PKIA: variants seen among roughly 807,000 people sequenced by gnomAD.
PKIA encodes the protein cAMP-dependent protein kinase inhibitor alpha, also known as PKI-alpha.
Under a neutral mutation model 7.6 loss-of-function variants are expected in PKIA, and 4 were observed. That is an observed-to-expected ratio of 0.52 (90% CI 0.26 to 1.20). The LOEUF (loss-of-function observed/expected upper bound fraction) is 1.20, where lower values mean the gene tolerates loss of function less well. PKIA is among the 50% of genes most tolerant of loss of function. The pLI is 0.13. For synonymous variants in PKIA, 21 were observed against 30.7 expected, an observed-to-expected ratio of 0.68 and a Z score of 1.04; for missense variants, 73 against 86.2, an observed-to-expected ratio of 0.85 and a Z score of 0.61.
chr8:78,566,922 C>A (rs999165078), intron 1 of PKIA, among the ~76,000 whole-genome samples: 1 of 151,972 alleles, frequency 6.6e-6, no homozygotes, highest in African/African-American at 2.4e-5. Context: ...AAACATGTTA[C>A]CAGGAATTAT....
At chr8:78,557,510 C>T (rs949401801) in intron 1 of PKIA, among the ~76,000 whole-genome samples, 7 of 151,986 alleles carry the variant, frequency 4.6e-5, no homozygotes, top group Non-Finnish European at 1.5e-5. Flanking sequence ...TCAATTACTT[C>T]AGCATTGTGG....
intron 1 of PKIA, among the ~76,000 whole-genome samples, chr8:78,562,036 A>T (rs1409034143): frequency 1.3e-5 from 2 of 152,196 alleles, no homozygotes; most frequent in African/African-American, 4.8e-5. Context: ...CTCCCACTGA[A>T]AGGGAGAATA....
At chr8:78,595,232 G>C (rs964761431) in intron 2 of PKIA, among the ~76,000 whole-genome samples, 4 of 152,162 alleles carry the variant, frequency 2.6e-5, no homozygotes, top group Admixed American at 2.0e-4. Flanking sequence ...ACTACATAAA[G>C]TAGTGGGTAA....
At chr8:78,554,271 A>G (rs1245028690) in intron 1 of PKIA, among the ~76,000 whole-genome samples, 7 of 151,998 alleles carry the variant, frequency 4.6e-5, no homozygotes, top group African/African-American at 1.7e-4. Flanking sequence ...TCACTATGCA[A>G]CCTAGCATGT....
chr8:78,519,938 C>T (rs2118310163), intron 1 of PKIA, among the ~76,000 whole-genome samples: 1 of 152,290 alleles, frequency 6.6e-6, no homozygotes, highest in African/African-American at 2.4e-5. Context: ...CCTTCCCCAA[C>T]CAGATGTGCC....
rs79368241 is a variant in PKIA at position 78,533,502 on chromosome 8, G to A, written c.-157+17034G>A. ...TGGCAATAGAATGTTAAACAGAATG[G>A]TATACAATCTACATTCTAATTTTCA... On this transcript the variant is annotated intron_variant, in intron 1 of 3. Coordinates refer to ENST00000396418, the MANE Select transcript of PKIA (RefSeq NM_006823.4). Among the ~76,000 whole-genome samples the A allele has an allele frequency of 4.3e-4, 65 of 152,134 alleles. 2 individuals are homozygous for A. The East Asian group carries it at 0.013, about 29-fold the overall frequency.
Position 78,594,492 on chromosome 8 carries a change from CACTT to C in PKIA, c.-27-3862_-27-3859del, listed in dbSNP as rs566994322. 2.8e-4 allele frequency among the ~76,000 whole-genome samples: 42 copies of C among 152,176 alleles called. No homozygotes were observed. The South Asian group carries it at 7.9e-3, about 29-fold the overall frequency. ...GCCTTTGAGAAAGGCAAAATGGTAA[CACTT>C]ACTGCAGCATTTTGGATAGGTTGGG... On this transcript the variant is annotated intron_variant, in intron 2 of 3. Transcript: ENST00000396418.
chr8:78,596,344 A>T (rs553220907), intron 2 of PKIA, among the ~76,000 whole-genome samples: 2 of 151,894 alleles, frequency 1.3e-5, no homozygotes, highest in South Asian at 4.2e-4. Context: ...GGTTCAAGTG[A>T]TTCTCCTGTT....
At chr8:78,518,896 T>C (rs1809363890) in intron 1 of PKIA, among the ~76,000 whole-genome samples, 1 of 152,194 alleles carries the variant, frequency 6.6e-6, no homozygotes. Flanking sequence ...TTGGACTTTG[T>C]TGTGTTTAAA....
chr8:78,568,440 AC>A (rs1490237733), intron 1 of PKIA, among the ~76,000 whole-genome samples: 2 of 152,108 alleles, frequency 1.3e-5, no homozygotes, highest in Non-Finnish European at 2.9e-5. Flanking sequence ...GCACTTTTTA[AC>A]ATTAATAGAC....
intron 1 of PKIA, among the ~76,000 whole-genome samples, chr8:78,517,101 T>C (rs1164732004): frequency 1.3e-5 from 2 of 152,220 alleles, no homozygotes; most frequent in Non-Finnish European, 2.9e-5. Flanking sequence ...TCGGAGATGC[T>C]GTGCCCATTC....
intron 2 of PKIA, among the ~76,000 whole-genome samples, chr8:78,578,527 G>A (rs747496490): frequency 2.1e-5 from 2 of 95,250 alleles, no homozygotes; most frequent in African/African-American, 4.2e-5. Flanking sequence ...ATCACTTGTA[G>A]TAGAAAAAAA....
At position 78,603,083 on chromosome 8, in the gene PKIA, A is replaced by C. The variant is rs1321637032; in HGVS notation, c.*1262A>C. ...TTAGAAGCTAACAAAATTCTCATTA[A>C]TACTGTGTTTGATGGCCTCTGCTGT... On this transcript the variant is annotated 3_prime_UTR_variant, in exon 4 of 4. Transcript: ENST00000396418. The C allele has an allele frequency of 1.3e-5, 2 of 152,446 alleles. No homozygotes were observed. The highest frequency in any genetic ancestry group is 1.9e-4 in the East Asian group (1 of 5,174). 9.4% of individuals were successfully genotyped at this position (152,446 alleles called of 1,614,324 possible).
At chr8:78,524,405 G>A (rs559788113) in intron 1 of PKIA, among the ~76,000 whole-genome samples, 3 of 151,366 alleles carry the variant, frequency 2.0e-5, no homozygotes, top group Non-Finnish European at 4.4e-5. Context: ...AGTCTCTCAC[G>A]TGGCTCTCAA....
rs529392737 is a variant in PKIA at position 78,541,743 on chromosome 8, A to C, written c.-157+25275A>C. Among the ~76,000 whole-genome samples the C allele has an allele frequency of 2.0e-5, 3 of 152,076 alleles. No homozygotes were observed. In the East Asian group the frequency reaches 5.8e-4, roughly 29 times the overall value. On this transcript the variant is annotated intron_variant, in intron 1 of 3. Coordinates refer to ENST00000396418, the MANE Select transcript of PKIA (RefSeq NM_006823.4). ...TTGTTTTTATGTCCATGCTCCTAAC[A>C]AAACAGCCCTCTTTGTTCTTCACAT...
intron 2 of PKIA, among the ~76,000 whole-genome samples, chr8:78,597,597 T>C (rs567406094): frequency 7.9e-5 from 12 of 152,300 alleles, no homozygotes; most frequent in African/African-American, 2.6e-4. Flanking sequence ...CCCCACCTGA[T>C]CTCAAGTTCT....
chr8:78,554,614 T>G (rs201142056), intron 1 of PKIA, among the ~76,000 whole-genome samples: 1 of 151,872 alleles, frequency 6.6e-6, no homozygotes, highest in African/African-American at 2.4e-5. Flanking sequence ...AAAAGTAAGC[T>G]GCTGAGGATT....
chr8:78,595,205 T>A (rs1257381163), intron 2 of PKIA, among the ~76,000 whole-genome samples: 1 of 152,188 alleles, frequency 6.6e-6, no homozygotes, highest in Admixed American at 6.5e-5. Context: ...AAGGGACTTC[T>A]TGATGCTAAT....
intron 1 of PKIA, among the ~76,000 whole-genome samples, chr8:78,561,132 C>T (rs1257489479): frequency 6.6e-6 from 1 of 152,128 alleles, no homozygotes; most frequent in Non-Finnish European, 1.5e-5. Flanking sequence ...ATTTGCCTTC[C>T]TCTGAGATAG....
Sources: gnomAD v4.1 joint callset for allele counts (sites outside exome capture counted in the v4.1 genomes callset) on GRCh38, gnomAD v4.1.1 for gene constraint, MANE v1.5 for transcripts, NCBI Gene and HGNC (gene_info 2026-07-23, HGNC 2026-07-21) for gene names.